The following FHOD3 variants were observed in gnomAD, a reference collection of about 807,000 sequenced individuals.
The protein encoded by FHOD3 is formin homology 2 domain containing 3, also known as FH1/FH2 domain-containing protein 3.
In FHOD3, 90 loss-of-function variants were observed where a neutral mutation model predicts 173.0. That is an observed-to-expected ratio of 0.52 (90% CI 0.44 to 0.62). FHOD3 has a LOEUF of 0.62. Among genes scored for constraint, FHOD3 ranks in the 20% least tolerant of loss-of-function variants. The probability of loss-of-function intolerance (pLI) is 0.00; values close to 1 mark genes in which losing one functional copy is unlikely to be tolerated. For synonymous variants in FHOD3, 828 were observed against 823.0 expected (o/e 1.01, Z -0.10); for missense variants, 1,945 against 2,034.7 (o/e 0.96, Z 0.85).
intron 6 of FHOD3, among the ~76,000 whole-genome samples, chr18:36,582,282 G>A (rs1412514069): frequency 3.3e-5 from 5 of 152,202 alleles, no homozygotes; most frequent in Non-Finnish European, 7.4e-5. Flanking sequence ...TGTCACTGTT[G>A]TGTGATCTGC....
chr18:36,643,254 C>T (rs1202413701), intron 10 of FHOD3, among the ~76,000 whole-genome samples: 1 of 152,140 alleles, frequency 6.6e-6, no homozygotes, highest in East Asian at 1.9e-4. Context: ...GAAGGTTTCT[C>T]AACCTCAGCA....
chr18:36,743,865 G>A (rs1249197121), intron 22 of FHOD3, among the ~76,000 whole-genome samples, 167 bp from the exon 23 acceptor site: 1 of 152,148 alleles, frequency 6.6e-6, no homozygotes, highest in Admixed American at 6.5e-5. Context: ...CAGGGTGGCT[G>A]GCCCATGTGT....
chr18:36,553,589 T>C (rs190556700), intron 5 of FHOD3, among the ~76,000 whole-genome samples: 1 of 152,346 alleles, frequency 6.6e-6, no homozygotes, highest in Non-Finnish European at 1.5e-5. Flanking sequence ...GTTCTAGACT[T>C]TCTAGTTTAT....
At chr18:36,463,746 T>C (rs1454173969) in intron 3 of FHOD3, among the ~76,000 whole-genome samples, 1 of 152,190 alleles carries the variant, frequency 6.6e-6, no homozygotes, top group East Asian at 1.9e-4. Flanking sequence ...TCTGCCCGCC[T>C]TAGCCTCCCA....
At chr18:36,344,622 C>A (rs552191905) in intron 1 of FHOD3, among the ~76,000 whole-genome samples, 1 of 152,016 alleles carries the variant, frequency 6.6e-6, no homozygotes, top group Non-Finnish European at 1.5e-5. Flanking sequence ...GTAGATTAAA[C>A]CAAATATGGC....
chr18:36,606,228 C>T (rs1401493574), intron 8 of FHOD3, among the ~76,000 whole-genome samples: 1 of 152,088 alleles, frequency 6.6e-6, no homozygotes, highest in Non-Finnish European at 1.5e-5. Flanking sequence ...TAACTGAATA[C>T]CACAGACTGG....
intron 5 of FHOD3, among the ~76,000 whole-genome samples, chr18:36,524,562 G>A (rs1484453528): frequency 7.9e-5 from 12 of 152,178 alleles, no homozygotes; most frequent in East Asian, 1.9e-4. Flanking sequence ...AGGAGAGTGC[G>A]CACAGGCAGC....
At chr18:36,754,562 T>C (rs1464381242) in intron 24 of FHOD3, among the ~76,000 whole-genome samples, 8 of 152,146 alleles carry the variant, frequency 5.3e-5, no homozygotes, top group Admixed American at 4.6e-4. Context: ...CAAGAAATGT[T>C]TAAAAATATT....
intron 13 of FHOD3, 134 bp downstream of exon 13, chr18:36,653,550 G>A: frequency 1.5e-6 from 1 of 672,208 alleles, no homozygotes; most frequent in South Asian, 2.0e-5. Flanking sequence ...CACTTCATAG[G>A]TATTAATTAC....
intron 3 of FHOD3, among the ~76,000 whole-genome samples, chr18:36,448,792 C>G (rs994790346): frequency 6.6e-6 from 1 of 152,152 alleles, no homozygotes; most frequent in Non-Finnish European, 1.5e-5. Flanking sequence ...TGGGGGGCCA[C>G]CCACAGCTGG....
intron 25 of FHOD3, 86 bp downstream of exon 25, chr18:36,755,397 C>CTTT (rs200164880): frequency 1.4e-5 from 3 of 212,614 alleles, no homozygotes; most frequent in Non-Finnish European, 2.2e-5. Context: ...AAAAGCTGTG[C>CTTT]TTTTTTTTTT....
chr18:36,670,241 A>G (rs1359089428), intron 14 of FHOD3, among the ~76,000 whole-genome samples: 1 of 151,890 alleles, frequency 6.6e-6, no homozygotes, highest in East Asian at 1.9e-4. Context: ...TACGCTTGGG[A>G]CTTGAGATTC....
At chr18:36,450,270 G>A (rs924816335) in intron 3 of FHOD3, among the ~76,000 whole-genome samples, 1 of 152,154 alleles carries the variant, frequency 6.6e-6, no homozygotes, top group Non-Finnish European at 1.5e-5. Context: ...CGAGCAGCCA[G>A]TAATAAGGAG....
At chr18:36,730,605 G>A (rs1355636237) in intron 19 of FHOD3, 41 bp from the exon 20 acceptor site, 8 of 1,596,072 alleles carry the variant, frequency 5.0e-6, no homozygotes, top group East Asian at 4.5e-5. Context: ...AAGGACCCAA[G>A]ATGATGCATT....
chr18:36,477,306 T>C (rs955502609), intron 3 of FHOD3, among the ~76,000 whole-genome samples: 8 of 152,126 alleles, frequency 5.3e-5, no homozygotes, highest in Non-Finnish European at 1.0e-4. Flanking sequence ...GTTTATAAAG[T>C]GGGGATAATC....
chr18:36,393,113 T>C (rs2048379780), intron 3 of FHOD3, among the ~76,000 whole-genome samples: 1 of 152,242 alleles, frequency 6.6e-6, no homozygotes, highest in Non-Finnish European at 1.5e-5. Flanking sequence ...TAGTTTGTGA[T>C]GTGGTCATTC....
At chr18:36,620,992 T>C (rs7229397) in intron 9 of FHOD3, among the ~76,000 whole-genome samples, 3,808 of 152,312 alleles carry the variant, frequency 0.025, 169 homozygotes, top group African/African-American at 0.088. Flanking sequence ...GAAGGACATC[T>C]GGTGGCCATT....
intron 3 of FHOD3, among the ~76,000 whole-genome samples, chr18:36,395,450 GT>G (rs1306585522): frequency 6.6e-6 from 1 of 152,084 alleles, no homozygotes; most frequent in African/African-American, 2.4e-5. Flanking sequence ...CAATCTTTAT[GT>G]TGATATCTTT....
chr18:36,765,266 A>G (rs528482443), intron 27 of FHOD3, among the ~76,000 whole-genome samples: 1 of 152,282 alleles, frequency 6.6e-6, no homozygotes, highest in East Asian at 1.9e-4. Flanking sequence ...TGGCCTCAAG[A>G]AAAAGAGAGG....
Sources: gnomAD v4.1 joint callset for allele counts (sites outside exome capture counted in the v4.1 genomes callset) on GRCh38, gnomAD v4.1.1 for gene constraint, MANE v1.5 for transcripts, NCBI Gene and HGNC (gene_info 2026-07-23, HGNC 2026-07-21) for gene names.